CCDC178: variants seen among roughly 807,000 people sequenced by gnomAD.
CCDC178 encodes the protein coiled-coil domain-containing protein 178.
In CCDC178, 126 loss-of-function variants were observed where a neutral mutation model predicts 117.4. That is an observed-to-expected ratio of 1.07 (90% CI 0.93 to 1.24). The LOEUF is 1.24. Among genes scored for constraint, CCDC178 ranks in the 50% most tolerant of loss-of-function variants. The pLI, the probability that CCDC178 is intolerant of heterozygous loss-of-function variation, is 0.00. For synonymous variants in CCDC178, 283 were observed against 313.4 expected (o/e 0.90, Z 1.02); for missense variants, 1,030 against 986.9 (o/e 1.04, Z -0.59).
At chr18:32,954,648 G>T (rs564382073) in intron 22 of CCDC178, 2 of 152,086 alleles carry the variant, frequency 1.3e-5, no homozygotes, top group African/African-American at 4.8e-5. Context: ...AGAGTTGAAG[G>T]TACGCAGAGA....
At chr18:32,949,608 C>A (rs1028319637) in intron 22 of CCDC178, among the ~76,000 whole-genome samples, 2 of 152,036 alleles carry the variant, frequency 1.3e-5, no homozygotes, top group Non-Finnish European at 2.9e-5. Context: ...TCTTCAATGT[C>A]TCTACTTAAT....
At chr18:33,375,471 T>C (rs148555038) in intron 5 of CCDC178, among the ~76,000 whole-genome samples, 190 of 152,150 alleles carry the variant, frequency 1.2e-3, no homozygotes, top group African/African-American at 4.3e-3. Flanking sequence ...CATCCTGGCA[T>C]TGAGAGTAAG....
At chr18:33,415,233 T>C (rs1187338651) in intron 2 of CCDC178, among the ~76,000 whole-genome samples, 1 of 152,194 alleles carries the variant, frequency 6.6e-6, no homozygotes, top group Non-Finnish European at 1.5e-5. Context: ...ATCATGCTGC[T>C]ATAAAGACAC....
At chr18:33,157,380 C>G (rs2058413637) in intron 20 of CCDC178, among the ~76,000 whole-genome samples, 1 of 152,120 alleles carries the variant, frequency 6.6e-6, no homozygotes, top group African/African-American at 2.4e-5. Context: ...TCTTCCCAGA[C>G]CTAAGCAGTT....
At position 32,987,970 on chromosome 18, in the gene CCDC178, G is replaced by A. The variant is rs1483161753; in HGVS notation, c.2389-13289C>T. Among the ~76,000 whole-genome samples the A allele has an allele frequency of 2.6e-5, 4 of 151,926 alleles. No homozygotes were observed. In the South Asian group the frequency reaches 6.2e-4, roughly 24 times the overall value. ...CAGACGCCTGCAATCCCAGCTACTT[G>A]GGAGACTGAGGCAGGAGAATCGCTT... On this transcript the variant is annotated intron_variant, in intron 21 of 22. Coordinates refer to ENST00000383096, the MANE Select transcript of CCDC178 (RefSeq NM_001105528.4).
chr18:33,387,981 C>T (rs960937687), intron 5 of CCDC178, among the ~76,000 whole-genome samples: 2 of 151,936 alleles, frequency 1.3e-5, no homozygotes, highest in East Asian at 3.9e-4. Context: ...GGTCTAATAT[C>T]CAAAATCTAC....
At chr18:33,230,068 A>C (rs1336022463) in intron 15 of CCDC178, among the ~76,000 whole-genome samples, 2 of 152,158 alleles carry the variant, frequency 1.3e-5, no homozygotes, top group African/African-American at 4.8e-5. Context: ...CCTCTAACCT[A>C]AGGCTATTTT....
At chr18:33,323,699 T>G (rs573055194) in intron 10 of CCDC178, 66 bp from the exon 11 acceptor site, 3 of 970,300 alleles carry the variant, frequency 3.1e-6, no homozygotes, top group South Asian at 5.8e-5. Context: ...TAACTTCAAC[T>G]TAGTGTAGTA....
chr18:33,156,438 T>A (rs143547256), intron 20 of CCDC178, among the ~76,000 whole-genome samples: 133 of 148,636 alleles, frequency 8.9e-4, no homozygotes, highest in Admixed American at 1.8e-3. Context: ...ATATCACCCA[T>A]AAAGGAAAAA....
At chr18:33,327,348 C>A (rs2062598414) in intron 10 of CCDC178, among the ~76,000 whole-genome samples, 1 of 152,054 alleles carries the variant, frequency 6.6e-6, no homozygotes, top group Non-Finnish European at 1.5e-5. Flanking sequence ...TCTCAGTAAA[C>A]AAACATTGGG....
intron 20 of CCDC178, among the ~76,000 whole-genome samples, chr18:33,162,423 T>C (rs2058476695): frequency 6.6e-6 from 1 of 152,214 alleles, no homozygotes; most frequent in Non-Finnish European, 1.5e-5. Context: ...AATTTTATGT[T>C]TTTATTACTT....
chr18:33,004,489 A>T (rs1283702195), intron 21 of CCDC178, among the ~76,000 whole-genome samples: 1 of 152,272 alleles, frequency 6.6e-6, no homozygotes. Flanking sequence ...TCAAATCAGA[A>T]TGGATTAAAG....
intron 14 of CCDC178, among the ~76,000 whole-genome samples, chr18:33,261,374 C>T (rs1445959957): frequency 2.6e-5 from 4 of 152,228 alleles, no homozygotes; most frequent in Admixed American, 6.5e-5. Flanking sequence ...TGAGCCACCA[C>T]GCCCGGCCTG....
intron 15 of CCDC178, among the ~76,000 whole-genome samples, chr18:33,232,987 G>A (rs1293637952): frequency 6.6e-6 from 1 of 151,988 alleles, no homozygotes; most frequent in Non-Finnish European, 1.5e-5. Context: ...CCTATTATAT[G>A]TTATTAGTAT....
intron 20 of CCDC178, among the ~76,000 whole-genome samples, chr18:33,185,267 A>C (rs2058777192): frequency 6.6e-6 from 1 of 151,898 alleles, no homozygotes; most frequent in South Asian, 2.1e-4. Context: ...AGAAGAGAAA[A>C]CCCCAATTTC....
chr18:33,406,607 T>A (rs2144880291), intron 3 of CCDC178, among the ~76,000 whole-genome samples: 1 of 152,178 alleles, frequency 6.6e-6, no homozygotes, highest in Non-Finnish European at 1.5e-5. Context: ...AGTAAAAACA[T>A]ATAGTAGATC....
chr18:33,098,731 C>G (rs982702935), intron 20 of CCDC178, among the ~76,000 whole-genome samples: 17 of 151,984 alleles, frequency 1.1e-4, no homozygotes, highest in African/African-American at 3.6e-4. Context: ...TCACATCTAG[C>G]CTTTTCTTCA....
At chr18:33,041,364 A>C (rs1031797410) in intron 21 of CCDC178, among the ~76,000 whole-genome samples, 1 of 151,452 alleles carries the variant, frequency 6.6e-6, no homozygotes, top group Non-Finnish European at 1.5e-5. Context: ...AATTTTAAAT[A>C]TACAAAGCAG....
At chr18:33,249,400 G>A (rs1033049512) in intron 14 of CCDC178, among the ~76,000 whole-genome samples, 2 of 152,040 alleles carry the variant, frequency 1.3e-5, no homozygotes, top group Non-Finnish European at 2.9e-5. Context: ...TATGGTTTTA[G>A]GTCTAACATT....
Sources: allele counts gnomAD v4.1 joint callset (sites outside exome capture counted in the v4.1 genomes callset), GRCh38; gene constraint gnomAD v4.1.1; transcripts MANE v1.5; gene names NCBI Gene and HGNC (gene_info 2026-07-23, HGNC 2026-07-21).